The following TTN variants were observed in gnomAD, a reference collection of about 807,000 sequenced individuals.
TTN encodes the protein connectin.
In TTN, 1,525 loss-of-function variants were observed where a neutral mutation model predicts 3,223.0. That is an observed-to-expected ratio of 0.47 (90% confidence interval 0.45 to 0.49). The LOEUF (loss-of-function observed/expected upper bound fraction) is 0.49, where lower values mean the gene tolerates loss of function less well. Among genes scored for constraint, TTN ranks in the 20% least tolerant of loss-of-function variants. The pLI is 0.00. For synonymous variants in TTN, 14,094 were observed against 15,161.0 expected (o/e 0.93, Z 5.17); for missense variants, 40,786 against 43,424.0 (o/e 0.94, Z 5.40).
In TTN at chr2:178,613,295, G is replaced by T. The variant is rs769277671; in HGVS notation, c.49533-19C>A. 1 of 1,558,364 alleles carries T rather than the reference G, an allele frequency of 6.4e-7. No individual in the cohort carries two copies. Among genetic ancestry groups the T allele is most frequent in the Admixed American group, 1.7e-5 (1 of 57,176 alleles). ...TTTCACTCTGAATTAGGAACAAAGTGCATGTGTATCATCATGGTAAGAAGC... is the reference window on the plus strand; with the variant it reads ...TTTCACTCTGAATTAGGAACAAAGTTCATGTGTATCATCATGGTAAGAAGC... On this transcript the variant is annotated intron_variant, in intron 263 of 362. Coordinates refer to ENST00000589042, the MANE Select transcript of TTN (RefSeq NM_001267550.2).
In TTN at chr2:178,532,396, C is replaced by T; in HGVS notation, c.104219G>A (p.Ser34740Asn). The T allele has an allele frequency of 6.2e-7, 1 of 1,613,968 alleles. No homozygotes were observed. Among genetic ancestry groups the T allele is most frequent in the Non-Finnish European group, 8.5e-7 (1 of 1,179,872 alleles). The change falls in exon 358 of 363, where the codon AGT (serine) becomes AAT (asparagine). Residue 34740 changes from serine to asparagine, a missense_variant. Transcript: ENST00000589042. ...TYHIPTKAEA[S>N]TSYAELRERH... ...TTCCCTCAGTTCTGCATAACTTGTA[C>T]TAGCTTCAGCCTTCGTTGGGATGTG...
Position 178,575,729 on chromosome 2 carries a change from G to T in TTN, c.70403C>A (p.Thr23468Lys). The T allele has an allele frequency of 6.2e-7, 1 of 1,613,524 alleles. No individual in the cohort carries two copies. Among genetic ancestry groups the T allele is most frequent in the Non-Finnish European group, 8.5e-7 (1 of 1,179,630 alleles). ...TTCACGTTTCTCTACAATGTAGTTT[G>T]TTATACGTGAGCCTCCATCTATCAG... Reference protein sequence around the residue: ...LPLIDGGSRITNYIVEKREAT... With the variant: ...LPLIDGGSRIKNYIVEKREAT... Residue 23468 changes from threonine (T) to lysine (K), a missense_variant, in exon 326 of 363, where the codon ACA (threonine) becomes AAA (lysine). Transcript: ENST00000589042. The surrounding 1 kb of genome is among the most constrained non-coding windows in gnomAD (Gnocchi z 4.0).
intron 240 of TTN, among the ~76,000 whole-genome samples, 152 bp from the exon 241 acceptor site, chr2:178,625,548 A>G (rs1276624567): frequency 6.6e-6 from 1 of 151,972 alleles, no homozygotes; most frequent in Non-Finnish European, 1.5e-5. Flanking sequence ...CATTTCAACC[A>G]ATAGTTTGGG....
In TTN at chr2:178,594,233, G is replaced by A. The variant is rs771653779; in HGVS notation, c.58160C>T (p.Thr19387Met). ...CTTATCTCTGAAGTCGAGGTGAAGC[G>A]TTGGGGGTGCTAAAATTTGTAATTA... is the stretch of plus-strand genomic sequence containing the variant. ...ITCKDELAPP[T>M]LHLDFRDKLT... is the part of the protein sequence containing the mutation. Residue 19387 changes from threonine (T) to methionine (M), a missense_variant, in exon 297 of 363, where the codon ACG becomes ATG. By Grantham distance (81) the Thr-to-Met change is moderately conservative. Transcript: ENST00000589042. 109 of 1,606,176 alleles carry A rather than the reference G, an allele frequency of 6.8e-5. No individual in the cohort carries two copies. The highest frequency in any genetic ancestry group is 2.1e-4 in the Admixed American group (12 of 57,696).
In TTN at chr2:178,549,762, G is replaced by T. The variant is rs761280624; in HGVS notation, c.91960C>A (p.His30654Asn). Residue 30654 changes from histidine (H) to asparagine (N), a missense_variant, in exon 338 of 363, where the codon CAC becomes AAC. Transcript: ENST00000589042. ...PLNDGCAPITHYIIEKRETSR... is the reference protein window; with the variant it reads ...PLNDGCAPITNYIIEKRETSR... ...GTTTCCCGTTTTTCAATGATGTAGT[G>T]GGTTATGGGAGCACAACCGTCATTG... 5.0e-6 allele frequency: 8 copies of T among 1,613,652 alleles called. No individual in the cohort carries two copies. The South Asian group carries it at 6.6e-5, about 13-fold the overall frequency.
chr2:178,563,169 C>T lies in TTN; in HGVS notation c.82963G>A (p.Gly27655Ser). ...GAGCCAGGTAGAGTTGCAGGTTCAC[C>T]TACACCTTCAGAATTGATGGCACAA... ...RICAINSEGV[G>S]EPATLPGSVV... The change falls in exon 326 of 363, where the codon GGT becomes AGT. Residue 27655 changes from glycine to serine, a missense_variant. Physicochemically the swap from Gly to Ser is moderately conservative, Grantham distance 56. Coordinates refer to ENST00000589042, the MANE Select transcript of TTN (RefSeq NM_001267550.2). This position sits in a 1 kb window ranked among gnomAD's most constrained non-coding sequence, Gnocchi z 4.5. 6.2e-7 allele frequency: 1 copy of T among 1,613,744 alleles called. No homozygotes were observed. The highest frequency in any genetic ancestry group is 8.5e-7 in the Non-Finnish European group (1 of 1,179,718).
intron 119 of TTN, 96 bp from the exon 120 acceptor site, chr2:178,692,676 C>G (rs950628863): frequency 1.1e-6 from 1 of 892,400 alleles, no homozygotes; most frequent in Non-Finnish European, 1.6e-6. Flanking sequence ...CCTTTTTATA[C>G]CAACTGAATG....
intron 202 of TTN, 31 bp downstream of exon 202, chr2:178,652,427 T>C (rs984419483): frequency 4.3e-6 from 7 of 1,612,810 alleles, no homozygotes; most frequent in African/African-American, 1.3e-5. Flanking sequence ...AAGAGTTTGA[T>C]CATCTGAAGC....
intron 127 of TTN, 30 bp downstream of exon 127, chr2:178,688,081 G>T (rs868091918): frequency 6.3e-7 from 1 of 1,587,522 alleles, no homozygotes; most frequent in Non-Finnish European, 8.6e-7. Context: ...CAAAACCCCA[G>T]ATCATCTCTA....
At chr2:178,594,721 C>T in intron 295 of TTN, 75 bp from the exon 296 acceptor site, 1 of 1,237,954 alleles carries the variant, frequency 8.1e-7, no homozygotes, top group Non-Finnish European at 1.1e-6. Context: ...AGTGAATATT[C>T]CTTTTCTGAA....
At position 178,771,546 on chromosome 2, in the gene TTN, T is replaced by C. The variant is rs74655004; in HGVS notation, c.7856-75A>G. ...ATGGGAAAATCTTTGCAGAAGTAAA[T>C]ATAAAATATCAAATTTAAGAACATG... is the stretch of plus-strand genomic sequence containing the variant. On this transcript the variant is annotated intron_variant, in intron 33 of 362. Coordinates refer to ENST00000589042, the MANE Select transcript of TTN (RefSeq NM_001267550.2). The C allele has an allele frequency of 9.3e-4, 1,467 of 1,578,124 alleles. 18 individuals are homozygous for C. The African/African-American group carries it at 0.017, about 19-fold the overall frequency.
At chr2:178,612,000 A>ATGCTTT in intron 267 of TTN, 46 bp from the exon 268 acceptor site, 1 of 1,604,130 alleles carries the variant, frequency 6.2e-7, no homozygotes, top group Non-Finnish European at 8.5e-7. Context: ...GAAAAAACAC[A>ATGCTTT]GTTAAGAATT....
intron 213 of TTN, 99 bp from the exon 214 acceptor site, chr2:178,647,563 G>T: frequency 8.8e-7 from 1 of 1,139,850 alleles, no homozygotes; most frequent in East Asian, 2.6e-5. Flanking sequence ...CTTCATCTTA[G>T]ATTTCATGGG....
rs752465783 is a variant in TTN at position 178,636,753 on chromosome 2, C to T, written c.40974G>A (p.Lys13658=). The T allele has an allele frequency of 1.9e-6, 3 of 1,609,226 alleles. No individual in the cohort carries two copies. Among genetic ancestry groups the T allele is most frequent in the East Asian group, 2.2e-5 (1 of 44,656 alleles). The change falls in exon 225 of 363, where the codon AAG becomes AAA. Residue 13658 remains lysine, a synonymous_variant. Transcript: ENST00000589042. This position sits in a 1 kb window ranked among gnomAD's most constrained non-coding sequence, Gnocchi z 4.3. Reference sequence around the variant, plus strand: ...TCTCTCCACCACTTCCTGGCCTTAACTTTCTCCTTTCGGCTTCTATTGGTG... The same window carrying T: ...TCTCTCCACCACTTCCTGGCCTTAATTTTCTCCTTTCGGCTTCTATTGGTG... ...TPSPIEAERR[K]LRPGSGGEKP...
intron 43 of TTN, among the ~76,000 whole-genome samples, chr2:178,760,565 C>T (rs185053238): frequency 2.0e-5 from 3 of 152,230 alleles, no homozygotes; most frequent in Admixed American, 2.0e-4. Context: ...AACTTGTCAG[C>T]TGTGTGGCCT....
In TTN at chr2:178,784,079, G is replaced by A. The variant is rs372617952; in HGVS notation, c.2766C>T (p.Arg922=). The change falls in exon 16 of 363, where the codon CGC becomes CGT. Residue 922 remains arginine, a synonymous_variant. Coordinates refer to ENST00000589042, the MANE Select transcript of TTN (RefSeq NM_001267550.2). ...GTAACCAGTGACCAACCTTGGCTTC[G>A]CGTCCGTGCAGTACTTCAAAGCGCT... is the stretch of plus-strand genomic sequence containing the variant. ...REERFEVLHG[R]EAKVTETARV... The A allele has an allele frequency of 1.2e-5, 20 of 1,612,976 alleles. No homozygotes were observed. The highest frequency in any genetic ancestry group is 1.9e-4 in the Middle Eastern group (1 of 5,350).
In TTN at chr2:178,636,918, G is replaced by C. The variant is rs2154231970; in HGVS notation, c.40928-119C>G. 3.3e-6 allele frequency: 4 copies of C among 1,203,042 alleles called. No homozygotes were observed. In the South Asian group the frequency reaches 7.3e-5, roughly 22 times the overall value. The allele number at this position is 1,203,042 out of a possible 1,614,324, so 74.5% of individuals were successfully genotyped here. On this transcript the variant is annotated intron_variant, in intron 224 of 362. Transcript: ENST00000589042. This position sits in a 1 kb window ranked among gnomAD's most constrained non-coding sequence, Gnocchi z 4.3. ...GCAATTAGAAGACGAGAAAACTAAAGACCAGGCAATTGAAAGGCCAATTGA... is the reference window on the plus strand; with the variant it reads ...GCAATTAGAAGACGAGAAAACTAAACACCAGGCAATTGAAAGGCCAATTGA...
rs181332195 is a variant in TTN at position 178,704,427 on chromosome 2, C to G, written c.29963-20G>C. On this transcript the variant is annotated intron_variant, in intron 105 of 362. Coordinates refer to ENST00000589042, the MANE Select transcript of TTN (RefSeq NM_001267550.2). The stretch of plus-strand genomic sequence containing the variant: ...CAGGCTCTGTTCATGTGATACAACA[C>G]GCATTTTGTTCAATATCACACGCAG... 5 of 1,607,598 alleles carry G rather than the reference C, an allele frequency of 3.1e-6. No homozygotes were observed. Among genetic ancestry groups the G allele is most frequent in the African/African-American group, 1.3e-5 (1 of 74,690 alleles).
chr2:178,555,233 T>TG lies in TTN; in HGVS notation c.88307-82_88307-81insC, dbSNP rs574610053. 588 of 1,293,516 alleles carry TG rather than the reference T, an allele frequency of 4.5e-4. 1 individual carries two copies. The African/African-American group carries it at 8.2e-3, about 18-fold the overall frequency. 80.1% of individuals were successfully genotyped at this position (1,293,516 alleles called of 1,614,324 possible). The stretch of plus-strand genomic sequence containing the variant: ...TAGTTGCACCAACCTTAAAGTAAGG[T>TG]CATTGGCCATTATTAAATTATACAC... On this transcript the variant is annotated intron_variant, in intron 330 of 362. Coordinates refer to ENST00000589042, the MANE Select transcript of TTN (RefSeq NM_001267550.2).
Sources: allele counts gnomAD v4.1 joint callset (sites outside exome capture counted in the v4.1 genomes callset), GRCh38; gene constraint gnomAD v4.1.1; non-coding constraint Gnocchi (gnomAD v3.1); transcripts MANE v1.5; gene names NCBI Gene and HGNC (gene_info 2026-07-23, HGNC 2026-07-21).